The following UGT1A6 variants were observed in gnomAD, a reference collection of about 807,000 sequenced individuals.
UGT1A6 encodes UDP-glucuronosyltransferase 1A6.
Under a neutral mutation model 44.4 loss-of-function variants are expected in UGT1A6, and 32 were observed. That is an observed-to-expected ratio of 0.72 (90% CI 0.54 to 0.97). The LOEUF (loss-of-function observed/expected upper bound fraction) is 0.97. Ranked by LOEUF, UGT1A6 falls within the 50% of genes least tolerant of loss-of-function variation. The probability of loss-of-function intolerance (pLI) is 0.00; values close to 1 mark genes in which losing one functional copy is unlikely to be tolerated. For synonymous variants in UGT1A6, 238 were observed against 248.5 expected (o/e 0.96, Z 0.40); for missense variants, 685 against 661.9 (o/e 1.03, Z -0.38).
At chr2:233,762,311 G>T (rs1026120967) in intron 1 of UGT1A6, among the ~76,000 whole-genome samples, 9 of 152,158 alleles carry the variant, frequency 5.9e-5, no homozygotes, top group African/African-American at 2.2e-4. Context: ...CTAGTTAATG[G>T]GTCGAGAGTA....
intron 1 of UGT1A6, among the ~76,000 whole-genome samples, chr2:233,716,626 G>A (rs1294828995): frequency 6.6e-6 from 1 of 152,106 alleles, no homozygotes; most frequent in Non-Finnish European, 1.5e-5. Flanking sequence ...TTCTAGTGAA[G>A]TTTTTATCGT....
chr2:233,766,578 G>C (rs1048038001), intron 1 of UGT1A6, among the ~76,000 whole-genome samples: 1 of 152,134 alleles, frequency 6.6e-6, no homozygotes, highest in Non-Finnish European at 1.5e-5. Flanking sequence ...ACAGGTCTGG[G>C]GGTGGAGCCC....
intron 1 of UGT1A6, chr2:233,712,962 G>C: frequency 6.2e-7 from 1 of 1,612,880 alleles, no homozygotes; most frequent in Non-Finnish European, 8.5e-7. Flanking sequence ...ACGTGGGGTG[G>C]ACAGTCAGCT....
chr2:233,706,707 T>C (rs1380660987), intron 1 of UGT1A6, among the ~76,000 whole-genome samples: 2 of 152,154 alleles, frequency 1.3e-5, no homozygotes, highest in Non-Finnish European at 2.9e-5. Context: ...TGAAAAGTCA[T>C]GGAATTCTGG....
chr2:233,746,855 T>A (rs1362666040), intron 1 of UGT1A6, among the ~76,000 whole-genome samples: 2 of 151,774 alleles, frequency 1.3e-5, no homozygotes, highest in Non-Finnish European at 2.9e-5. Flanking sequence ...AGACCTCAGC[T>A]GCAGCCTGAT....
chr2:233,769,840 A>G lies in UGT1A6; in HGVS notation c.1301+1401A>G, dbSNP rs1259397954. 2 of 589,486 alleles carry G rather than the reference A, an allele frequency of 3.4e-6. No homozygotes were observed. The highest frequency in any genetic ancestry group is 5.2e-6 in the Non-Finnish European group (2 of 381,342). The allele number at this position is 589,486 out of a possible 1,614,324, so 36.5% of individuals were successfully genotyped here. On this transcript the variant is annotated intron_variant, in intron 4 of 4. Transcript: ENST00000305139. This position sits in a 1 kb window ranked among gnomAD's most constrained non-coding sequence, Gnocchi z 4.4. ...ACTGCACTCCAGCAACCTGGGCAAC[A>G]GAGTGAGACCCTGTCTCAAAAAAAA...
At chr2:233,718,718 T>C in intron 1 of UGT1A6, 1 of 1,609,208 alleles carries the variant, frequency 6.2e-7, no homozygotes, top group Non-Finnish European at 8.5e-7. Flanking sequence ...AATTACATGC[T>C]GATTTGCTAG....
intron 1 of UGT1A6, chr2:233,712,923 A>C (rs769020830): frequency 1.1e-5 from 18 of 1,612,000 alleles, no homozygotes; most frequent in Non-Finnish European, 1.5e-5. Flanking sequence ...AAGGTAATTA[A>C]GACGAAGGAA....
At chr2:233,718,866 C>T in intron 1 of UGT1A6, 1 of 1,613,892 alleles carries the variant, frequency 6.2e-7, no homozygotes, top group Non-Finnish European at 8.5e-7. Context: ...GGCCACAGGA[C>T]TGCTGCTCCT....
intron 1 of UGT1A6, among the ~76,000 whole-genome samples, chr2:233,710,292 T>A (rs754127967): frequency 6.6e-6 from 1 of 152,204 alleles, no homozygotes. Context: ...AAAGTGGGAT[T>A]GTTGGGTTGC....
Position 233,693,452 on chromosome 2 carries a change from G to T in UGT1A6, c.448G>T (p.Asp150Tyr). The T allele has an allele frequency of 6.2e-7, 1 of 1,614,126 alleles. No homozygotes were observed. Among genetic ancestry groups the T allele is most frequent in the Non-Finnish European group, 8.5e-7 (1 of 1,180,016 alleles). Residue 150 changes from aspartate to tyrosine, a missense_variant, in exon 1 of 5, where the codon GAC (aspartate) becomes TAC (tyrosine). Asp to Tyr is a radical substitution (Grantham distance 160). Transcript: ENST00000305139. ...KESKFDALFT[D>Y]PALPCGVILA... ...GAGCAAGTTTGATGCTCTTTTCACA[G>T]ACCCAGCCTTACCCTGTGGGGTGAT...
intron 1 of UGT1A6, among the ~76,000 whole-genome samples, chr2:233,717,441 A>T (rs985178855): frequency 6.6e-6 from 1 of 152,186 alleles, no homozygotes; most frequent in Non-Finnish European, 1.5e-5. Flanking sequence ...TGATGGACGC[A>T]TCCATTCACT....
intron 1 of UGT1A6, among the ~76,000 whole-genome samples, chr2:233,694,329 G>A (rs2075215054): frequency 6.6e-6 from 1 of 151,356 alleles, no homozygotes; most frequent in Admixed American, 6.6e-5. Context: ...TTTATGTTGA[G>A]ACCTGTTTTT....
intron 1 of UGT1A6, among the ~76,000 whole-genome samples, chr2:233,720,850 C>A (rs2076896670): frequency 6.6e-6 from 1 of 150,800 alleles, no homozygotes; most frequent in African/African-American, 2.5e-5. Context: ...GGACTGCAGG[C>A]ATGTGCCACT....
At chr2:233,749,597 A>G (rs1694229445) in intron 1 of UGT1A6, among the ~76,000 whole-genome samples, 1 of 151,834 alleles carries the variant, frequency 6.6e-6, no homozygotes, top group South Asian at 2.1e-4. Flanking sequence ...ACATGAAGTC[A>G]CACTAGATTT....
intron 1 of UGT1A6, among the ~76,000 whole-genome samples, chr2:233,739,279 C>G (rs11691824): frequency 0.034 from 5,129 of 152,284 alleles, 99 homozygotes; most frequent in African/African-American, 0.051. Flanking sequence ...AGCCCCCACA[C>G]AGAGTCTCCA....
upstream of UGT1A6, chr2:233,692,763 G>A (rs542807063): frequency 8.1e-7 from 1 of 1,239,150 alleles, no homozygotes; most frequent in Admixed American, 3.5e-5. Flanking sequence ...TGGAGCTGAA[G>A]AGAAACACCC....
Position 233,693,140 on chromosome 2 carries a change from G to C in UGT1A6, c.136G>C (p.Val46Leu). ...CCACTGGCTTAGTATGAAGGATATA[G>C]TTGAGGTTCTCAGTGACCGGGGTCA... ...GSHWLSMKDI[V>L]EVLSDRGHEI... is the part of the protein sequence containing the mutation. Residue 46 changes from valine (V) to leucine (L), a missense_variant, in exon 1 of 5, where the codon GTT becomes CTT. Val to Leu is a conservative substitution (Grantham distance 32). Coordinates refer to ENST00000305139, the MANE Select transcript of UGT1A6 (RefSeq NM_001072.4). 1 of 1,614,230 alleles carries C rather than the reference G, an allele frequency of 6.2e-7. No individual in the cohort carries two copies. Among genetic ancestry groups the C allele is most frequent in the Non-Finnish European group, 8.5e-7 (1 of 1,180,050 alleles).
chr2:233,754,950 C>T lies in UGT1A6; in HGVS notation c.862-12084C>T, dbSNP rs186689116. ...CAAGAGGTCAAAGGAGAATGGGTCC[C>T]GGCCGCCAAAGAACTCCCTGAAGAC... On this transcript the variant is annotated intron_variant, in intron 1 of 4. Transcript: ENST00000305139. The T allele has an allele frequency of 1.7e-3, 2,306 of 1,324,608 alleles. 28 individuals carry two copies. In the African/African-American group the frequency reaches 0.028, roughly 16 times the overall value. The allele number at this position is 1,324,608 out of a possible 1,614,324, so 82.1% of individuals were successfully genotyped here.
Sources: gnomAD v4.1 joint callset for allele counts (sites outside exome capture counted in the v4.1 genomes callset) on GRCh38, gnomAD v4.1.1 for gene constraint, Gnocchi (gnomAD v3.1) non-coding constraint, MANE v1.5 for transcripts, NCBI Gene and HGNC (gene_info 2026-07-23, HGNC 2026-07-21) for gene names.